SLAIN1: variants seen among roughly 807,000 people sequenced by gnomAD.
The protein encoded by SLAIN1 is SLAIN family member 1, also known as SLAIN motif-containing protein 1.
In SLAIN1, 17 loss-of-function variants were observed where a neutral mutation model predicts 55.4. The ratio of observed to expected loss-of-function variants is 0.31; its 90% CI spans 0.21 to 0.46. The LOEUF (loss-of-function observed/expected upper bound fraction) is 0.46. Among genes scored for constraint, SLAIN1 ranks in the 20% least tolerant of loss-of-function variants. The probability of loss-of-function intolerance (pLI) is 1.00; values close to 1 mark genes in which losing one functional copy is unlikely to be tolerated. For synonymous variants in SLAIN1, 348 were observed against 337.4 expected (o/e 1.03, Z -0.35); for missense variants, 682 against 785.1 (o/e 0.87, Z 1.57).
intron 2 of SLAIN1, among the ~76,000 whole-genome samples, chr13:77,726,302 G>A (rs1566230210): frequency 6.6e-6 from 1 of 152,234 alleles, no homozygotes; most frequent in East Asian, 1.9e-4. Context: ...TTTGCAAATG[G>A]TTAAATATTT....
chr13:77,716,712 A>C, intron 1 of SLAIN1, among the ~76,000 whole-genome samples: 1 of 152,156 alleles, frequency 6.6e-6, no homozygotes, highest in East Asian at 1.9e-4. Flanking sequence ...TGACTTTCCT[A>C]CATCAATCTG....
intron 2 of SLAIN1, among the ~76,000 whole-genome samples, chr13:77,739,541 G>GT (rs1223169729): frequency 6.6e-6 from 1 of 152,008 alleles, no homozygotes; most frequent in Non-Finnish European, 1.5e-5. Flanking sequence ...TATTAAATCA[G>GT]TTTTTTCTTT....
chr13:77,741,230 A>G, intron 2 of SLAIN1: 1 of 986,674 alleles, frequency 1.0e-6, no homozygotes, highest in Non-Finnish European at 1.2e-6. Flanking sequence ...GCAGTCACAA[A>G]GAACTATTGG....
In SLAIN1 at chr13:77,746,850, A is replaced by G. The variant is rs1873856994; in HGVS notation, c.1253A>G (p.Asn418Ser). 1.9e-6 allele frequency: 3 copies of G among 1,609,496 alleles called. No individual in the cohort carries two copies. The highest frequency in any genetic ancestry group is 1.7e-5 in the Admixed American group (1 of 59,770). The change falls in exon 4 of 7, where the codon AAT becomes AGT. Residue 418 changes from asparagine to serine, a missense_variant. Coordinates refer to ENST00000418532, the MANE Select transcript of SLAIN1 (RefSeq NM_001242868.2). ...QTPDQQPNRT[N>S]GDKLRRSMPN... is the part of the protein sequence containing the mutation. ...CCAGATCAGCAACCAAATAGGACCA[A>G]TGGAGGTAGGTTGTATGCTTTTTTG...
At chr13:77,730,932 A>C (rs1872825567) in intron 2 of SLAIN1, among the ~76,000 whole-genome samples, 2 of 152,158 alleles carry the variant, frequency 1.3e-5, no homozygotes, top group Admixed American at 6.6e-5. Context: ...TTGAAGGAAG[A>C]ATGGACAGGG....
intron 1 of SLAIN1, among the ~76,000 whole-genome samples, chr13:77,706,113 A>G (rs1196676700): frequency 6.6e-6 from 1 of 151,778 alleles, no homozygotes; most frequent in Non-Finnish European, 1.5e-5. Flanking sequence ...ATCACTTTAT[A>G]CTCTACTAGC....
At chr13:77,730,946 A>G (rs1241558632) in intron 2 of SLAIN1, among the ~76,000 whole-genome samples, 1 of 152,180 alleles carries the variant, frequency 6.6e-6, no homozygotes, top group Non-Finnish European at 1.5e-5. Flanking sequence ...GACAGGGCTA[A>G]GAACCAAGCT....
intron 2 of SLAIN1, among the ~76,000 whole-genome samples, chr13:77,735,377 G>A (rs998635451): frequency 6.6e-6 from 1 of 151,990 alleles, no homozygotes; most frequent in Non-Finnish European, 1.5e-5. Flanking sequence ...TATCCTGTCA[G>A]CCATCACTGC....
chr13:77,727,886 A>G (rs1343481071), intron 2 of SLAIN1, among the ~76,000 whole-genome samples: 2 of 152,222 alleles, frequency 1.3e-5, no homozygotes, highest in African/African-American at 2.4e-5. Flanking sequence ...CCTAATGTAC[A>G]GATTTTCATT....
At chr13:77,748,872 G>A (rs1874022031) in intron 4 of SLAIN1, among the ~76,000 whole-genome samples, 1 of 152,058 alleles carries the variant, frequency 6.6e-6, no homozygotes, top group Non-Finnish European at 1.5e-5. Context: ...GGAAACTTAG[G>A]TATAATTTCA....
chr13:77,698,466 A>C lies in SLAIN1; in HGVS notation c.553A>C (p.Thr185Pro), dbSNP rs2090996706. 4.1e-6 allele frequency: 6 copies of C among 1,446,066 alleles called. No homozygotes were observed. The East Asian group carries it at 1.8e-4, about 44-fold the overall frequency. The allele number at this position is 1,446,066 out of a possible 1,614,324, so 89.6% of individuals were successfully genotyped here. A position where few individuals can be genotyped will look rare whatever the true frequency, so the allele number is the denominator to read the frequency against. The change falls in exon 1 of 7, where the codon ACG (threonine) becomes CCG (proline). Residue 185 changes from threonine to proline, a missense_variant. By Grantham distance (38) the Thr-to-Pro change is conservative (BLOSUM62 -1). Transcript: ENST00000418532. The surrounding 1 kb of genome is among the most constrained non-coding windows in gnomAD (Gnocchi z 4.1). ...TGCAGCGCCGCCCTCGCCGCCCCCC[A>C]CGCTGCTGGACGAGGTGGAATTGCT... ...AAAAPPSPPP[T>P]LLDEVELLDL... is the part of the protein sequence containing the mutation.
At chr13:77,751,430 C>T (rs908856162) in intron 4 of SLAIN1, among the ~76,000 whole-genome samples, 1 of 152,170 alleles carries the variant, frequency 6.6e-6, no homozygotes, top group Non-Finnish European at 1.5e-5. Context: ...TAAACCTAGA[C>T]CATAAATCTT....
At chr13:77,701,973 T>G (rs939201844) in intron 1 of SLAIN1, among the ~76,000 whole-genome samples, 15 of 139,076 alleles carry the variant, frequency 1.1e-4, no homozygotes, top group Non-Finnish European at 2.0e-4. Flanking sequence ...TGTGTCCATG[T>G]GATCTCATTG....
intron 1 of SLAIN1, among the ~76,000 whole-genome samples, chr13:77,719,191 G>T (rs1312793441): frequency 6.7e-6 from 1 of 149,730 alleles, no homozygotes; most frequent in Non-Finnish European, 1.5e-5. Flanking sequence ...AGATGAAAAT[G>T]TTCATTTCTT....
chr13:77,719,734 G>T (rs2091243708), intron 2 of SLAIN1, 63 bp downstream of exon 2: 2 of 1,556,018 alleles, frequency 1.3e-6, no homozygotes, highest in Non-Finnish European at 1.7e-6. Flanking sequence ...TGCTTTTGTT[G>T]CTGGTTTTGG....
intron 1 of SLAIN1, among the ~76,000 whole-genome samples, chr13:77,710,334 A>G (rs2091134842): frequency 6.6e-6 from 1 of 152,160 alleles, no homozygotes; most frequent in African/African-American, 2.4e-5. Flanking sequence ...CAGGAGACCC[A>G]TCTCACATGC....
rs556747194 is a variant in SLAIN1 at position 77,741,171 on chromosome 13, G to C, written c.767-3112G>C. 4 of 985,232 alleles carry C rather than the reference G, an allele frequency of 4.1e-6. No individual in the cohort carries two copies. In the African/African-American group the frequency reaches 7.0e-5, roughly 17 times the overall value. The allele number at this position is 985,232 out of a possible 1,614,324, so 61.0% of individuals were successfully genotyped here. A position where few individuals can be genotyped will look rare whatever the true frequency, so the allele number is the denominator to read the frequency against. ...AACACGCAGTTACTGTAATTTGCCT[G>C]GCAAGTGATCAGACTGGTATAAAAT... On this transcript the variant is annotated intron_variant, in intron 2 of 6. Transcript: ENST00000418532.
At chr13:77,758,573 T>C (rs923447829) in intron 5 of SLAIN1, among the ~76,000 whole-genome samples, 2 of 152,178 alleles carry the variant, frequency 1.3e-5, no homozygotes, top group African/African-American at 2.4e-5. Flanking sequence ...TATATTTAAG[T>C]CTTTGATCCA....
intron 1 of SLAIN1, among the ~76,000 whole-genome samples, chr13:77,714,326 T>C (rs1287775207): frequency 6.6e-6 from 1 of 152,126 alleles, no homozygotes; most frequent in African/African-American, 2.4e-5. Flanking sequence ...TTAAGAACAC[T>C]GAGTACTGGT....
Sources: allele counts gnomAD v4.1 joint callset (sites outside exome capture counted in the v4.1 genomes callset), GRCh38; gene constraint gnomAD v4.1.1; non-coding constraint Gnocchi (gnomAD v3.1); transcripts MANE v1.5; gene names NCBI Gene and HGNC (gene_info 2026-07-23, HGNC 2026-07-21).